BMX: variants seen among roughly 807,000 people sequenced by gnomAD.
The protein encoded by BMX is cytoplasmic tyrosine-protein kinase BMX.
BMX carries 31 observed loss-of-function variants against 59.2 expected under a neutral mutation model. The observed-to-expected ratio is 0.52, with a 90% CI of 0.39 to 0.71. The LOEUF (loss-of-function observed/expected upper bound fraction) is 0.71. Ranked by LOEUF, BMX falls within the 30% of genes least tolerant of loss-of-function variation. The pLI is 0.00. For synonymous variants in BMX, 185 were observed against 181.0 expected (o/e 1.02, Z -0.18); for missense variants, 474 against 491.7 (o/e 0.96, Z 0.34).
chrX:15,509,349 A>G lies in BMX; in HGVS notation c.159A>G (p.Gly53=). The G allele has an allele frequency of 8.3e-7, 1 of 1,206,770 alleles. No individual in the cohort carries two copies. The highest frequency in any genetic ancestry group is 1.8e-5 in the South Asian group (1 of 56,547). ...TTCAGAAAAGGGGCAGCAGAAAAGG[A>G]TCCATTGAAATTAAGAAAATCAGAT... ...YDKMKRGSRK[G]SIEIKKIRCV... Residue 53 remains glycine, a synonymous_variant, in exon 3 of 19, where the codon GGA becomes GGG. Coordinates refer to ENST00000348343, the MANE Select transcript of BMX (RefSeq NM_203281.3).
chrX:15,541,882 G>A, intron 14 of BMX, 100 bp from the exon 15 acceptor site: 1 of 738,484 alleles, frequency 1.4e-6, no homozygotes, highest in Non-Finnish European at 2.1e-6. Context: ...GAGGGTGGGG[G>A]TGGGAATTAA....
chrX:15,530,960 A>G (rs1925040570), intron 10 of BMX, among the ~76,000 whole-genome samples: 1 of 112,143 alleles, frequency 8.9e-6, no homozygotes. Context: ...TGAGAAAGAC[A>G]ACTTGAGTAT....
rs1925221805 is a variant in BMX at position 15,534,191 on chromosome X, TA to T, written c.1020-19del. 1 of 1,128,716 alleles carries T rather than the reference TA, an allele frequency of 8.9e-7. No homozygotes were observed. Among genetic ancestry groups the T allele is most frequent in the Admixed American group, 2.8e-5 (1 of 36,162 alleles). The allele number at this position is 1,128,716 out of a possible 1,213,427, so 93.0% of individuals were successfully genotyped here. A position where few individuals can be genotyped will look rare whatever the true frequency, so the allele number is the denominator to read the frequency against. The stretch of plus-strand genomic sequence containing the variant: ...GCTTTATTGTTTATTTTAAATGTTC[TA>T]ACATTCTTTCTGTTACTAGTGATAA... On this transcript the variant is annotated intron_variant, in intron 11 of 18. Transcript: ENST00000348343.
At chrX:15,529,923 T>C (rs1924981487) in intron 9 of BMX, 50 bp from the exon 10 acceptor site, 6 of 1,111,075 alleles carry the variant, frequency 5.4e-6, no homozygotes, top group Non-Finnish European at 7.4e-6. Flanking sequence ...TGTCAAGCTA[T>C]ACAATCTAAA....
intron 7 of BMX, 127 bp from the exon 8 acceptor site, chrX:15,525,161 A>G (rs956151801): frequency 2.2e-5 from 14 of 641,574 alleles, no homozygotes; most frequent in Admixed American, 4.1e-5. Context: ...AATTTCCCAA[A>G]CAAGTGAAAT....
At position 15,508,333 on chromosome X, in the gene BMX, T is replaced by C; in HGVS notation, c.-9-12T>C. ...GCTGCAAATACTCATTTTAATTATT[T>C]ATTTTGTTTAGGATGATAATATGGA... On this transcript the variant is annotated splice_polypyrimidine_tract_variant and intron_variant, in intron 1 of 18. Transcript: ENST00000348343. 9.4e-7 allele frequency: 1 copy of C among 1,066,143 alleles called. No individual in the cohort carries two copies. Among genetic ancestry groups the C allele is most frequent in the Non-Finnish European group, 1.3e-6 (1 of 795,858 alleles). 87.9% of individuals were successfully genotyped at this position (1,066,143 alleles called of 1,213,427 possible). A position where few individuals can be genotyped will look rare whatever the true frequency, so the allele number is the denominator to read the frequency against.
At chrX:15,545,796 C>G (rs1336757644) in intron 16 of BMX, among the ~76,000 whole-genome samples, 5 of 111,505 alleles carry the variant, frequency 4.5e-5, no homozygotes, top group Non-Finnish European at 7.5e-5. Flanking sequence ...GGTGGGGGAT[C>G]TCTCCTGCCC....
At chrX:15,542,960 G>C in intron 15 of BMX, 111 bp from the exon 16 acceptor site, 3 of 688,373 alleles carry the variant, frequency 4.4e-6, no homozygotes, top group East Asian at 3.3e-5. Flanking sequence ...AGCACTTGGG[G>C]GTTGTGCTAG....
intron 4 of BMX, among the ~76,000 whole-genome samples, chrX:15,513,996 T>G (rs1174599115): frequency 8.9e-6 from 1 of 112,047 alleles, no homozygotes; most frequent in East Asian, 2.8e-4. Context: ...TATGGATATA[T>G]GAATATATGA....
chrX:15,502,900 C>T (rs762051351), intron 1 of BMX, among the ~76,000 whole-genome samples: 1 of 111,546 alleles, frequency 9.0e-6, no homozygotes, highest in South Asian at 3.8e-4. Context: ...CCAGATCCCA[C>T]CCCACTTGGA....
At chrX:15,505,295 G>A (rs766915686) in intron 1 of BMX, among the ~76,000 whole-genome samples, 2 of 111,835 alleles carry the variant, frequency 1.8e-5, no homozygotes, top group East Asian at 5.6e-4. Flanking sequence ...AAACTGATCT[G>A]GAAATGAAAA....
chrX:15,548,328 G>A (rs143703140), intron 17 of BMX, among the ~76,000 whole-genome samples: 2,224 of 110,186 alleles, frequency 0.02, 67 homozygotes, highest in African/African-American at 0.07. Flanking sequence ...ATGGTGGTGC[G>A]CGCCTGTAAC....
At chrX:15,532,080 G>A (rs1925102823) in intron 11 of BMX, among the ~76,000 whole-genome samples, 1 of 111,594 alleles carries the variant, frequency 9.0e-6, no homozygotes, top group Non-Finnish European at 1.9e-5. Context: ...TCTATGAGTG[G>A]GGTGAGTTAA....
intron 1 of BMX, among the ~76,000 whole-genome samples, chrX:15,506,169 G>C (rs951093298): frequency 3.6e-5 from 4 of 110,946 alleles, no homozygotes; most frequent in Non-Finnish European, 7.5e-5. Context: ...AATATGCTGG[G>C]GTTACAGGCA....
rs189507826 is a variant in BMX at position 15,504,021 on chromosome X, G to C, written c.-10+3081G>C. On this transcript the variant is annotated intron_variant, in intron 1 of 18. Coordinates refer to ENST00000348343, the MANE Select transcript of BMX (RefSeq NM_203281.3). ...GTGACCAGTAAACTCTAAACAGCCTGGCACATAGTGAGCCCTCCTTAAGCA... is the reference window on the plus strand; with the variant it reads ...GTGACCAGTAAACTCTAAACAGCCTCGCACATAGTGAGCCCTCCTTAAGCA... Among the ~76,000 whole-genome samples, 3 of 111,593 alleles carry C rather than the reference G, an allele frequency of 2.7e-5. No individual in the cohort carries two copies. The Admixed American group carries it at 2.8e-4, about 11-fold the overall frequency.
chrX:15,504,142 A>G (rs1923663139), intron 1 of BMX, among the ~76,000 whole-genome samples: 1 of 112,345 alleles, frequency 8.9e-6, no homozygotes, highest in Non-Finnish European at 1.9e-5. Context: ...ACCTTAAGGA[A>G]AAAACAACTT....
rs908160883 is a variant in BMX at position 15,528,544 on chromosome X, A to C, written c.885-1429A>C. 2.2e-4 allele frequency among the ~76,000 whole-genome samples: 24 copies of C among 110,734 alleles called. No individual in the cohort carries two copies. The East Asian group carries it at 4.6e-3, about 21-fold the overall frequency. On this transcript the variant is annotated intron_variant, in intron 9 of 18. Coordinates refer to ENST00000348343, the MANE Select transcript of BMX (RefSeq NM_203281.3). ...GTGGTTGCCCATTCCTGTAGTCCCA[A>C]CTACTTGGGAGGCTGAGGTGGGAGG...
intron 14 of BMX, among the ~76,000 whole-genome samples, chrX:15,541,221 T>TTAAA (rs1925660319): frequency 9.0e-6 from 1 of 111,511 alleles, no homozygotes; most frequent in African/African-American, 3.3e-5. Context: ...ATTCGCAAGA[T>TTAAA]TAAACACTTC....
In BMX at chrX:15,525,325, A is replaced by G. The variant is rs1924661888; in HGVS notation, c.790A>G (p.Lys264Glu). 2.5e-6 allele frequency: 3 copies of G among 1,209,263 alleles called. No homozygotes were observed. The African/African-American group carries it at 5.2e-5, about 21-fold the overall frequency. ...SSEDVASSNQ[K>E]ERNVNHTTSK... ...TGAAGATGTTGCAAGCAGTAACCAA[A>G]AAGAAAGAAATGTGAATCACACCAC... Residue 264 changes from lysine (K) to glutamate (E), a missense_variant, in exon 8 of 19, where the codon AAA becomes GAA. Coordinates refer to ENST00000348343, the MANE Select transcript of BMX (RefSeq NM_203281.3).
Sources: gnomAD v4.1 joint callset for allele counts (sites outside exome capture counted in the v4.1 genomes callset) on GRCh38, gnomAD v4.1.1 for gene constraint, MANE v1.5 for transcripts, NCBI Gene and HGNC (gene_info 2026-07-23, HGNC 2026-07-21) for gene names.